Variants in GMDS observed in about 807,000 individuals in gnomAD.
GMDS encodes the protein GDP-mannose 4,6 dehydratase.
Under a neutral mutation model 49.9 loss-of-function variants are expected in GMDS, and 20 were observed. That is an observed-to-expected ratio of 0.40 (90% CI 0.28 to 0.58). GMDS has a LOEUF of 0.58. Ranked by LOEUF, GMDS falls within the 20% of genes least tolerant of loss-of-function variation. The pLI is 0.42. For synonymous variants in GMDS, 177 were observed against 178.6 expected, an observed-to-expected ratio of 0.99 and a Z score of 0.07; for missense variants, 362 against 481.4, an observed-to-expected ratio of 0.75 and a Z score of 2.32.
chr6:2,127,682 C>A (rs1775526080), intron 1 of GMDS, among the ~76,000 whole-genome samples: 1 of 152,216 alleles, frequency 6.6e-6, no homozygotes, highest in Admixed American at 6.5e-5. Flanking sequence ...CGAGCGAGGG[C>A]TCCTGGTCCC....
intron 4 of GMDS, among the ~76,000 whole-genome samples, chr6:2,059,707 C>CAAAAAAAAAAAAAAAAAAAAAAA (rs35230658): frequency 1.7e-4 from 3 of 17,774 alleles, no homozygotes; most frequent in Non-Finnish European, 2.0e-4. Context: ...GACTCCGTCT[C>CAAAAAAAAAAAAAAAAAAAAAAA]AAAAAAAAAA....
At chr6:1,709,809 C>G (rs1328993517) in intron 9 of GMDS, among the ~76,000 whole-genome samples, 1 of 152,172 alleles carries the variant, frequency 6.6e-6, no homozygotes, top group Non-Finnish European at 1.5e-5. Context: ...TGTTTCAAAA[C>G]CAGAGCTTGA....
intron 4 of GMDS, among the ~76,000 whole-genome samples, chr6:1,976,106 T>C (rs564966611): frequency 9.2e-5 from 14 of 152,316 alleles, no homozygotes; most frequent in African/African-American, 2.6e-4. Flanking sequence ...AGTAGTACAA[T>C]GATTTAGGCT....
intron 2 of GMDS, among the ~76,000 whole-genome samples, chr6:2,121,653 C>T (rs1215428114): frequency 2.0e-5 from 3 of 152,172 alleles, no homozygotes; most frequent in African/African-American, 7.2e-5. Flanking sequence ...TGTTAGTACA[C>T]GCTATTGCTT....
intron 7 of GMDS, among the ~76,000 whole-genome samples, chr6:1,827,041 A>C (rs1246013879): frequency 6.6e-6 from 1 of 151,242 alleles, no homozygotes; most frequent in East Asian, 1.9e-4. Context: ...ATTCCAGCCT[A>C]AGCAGAAGAG....
chr6:1,959,479 A>G (rs949095062), intron 6 of GMDS, among the ~76,000 whole-genome samples: 9 of 152,232 alleles, frequency 5.9e-5, no homozygotes, highest in African/African-American at 2.2e-4. Flanking sequence ...AAGTCAAAAA[A>G]TAACATAGAT....
intron 8 of GMDS, among the ~76,000 whole-genome samples, chr6:1,730,638 G>A (rs1350040029): frequency 1.3e-5 from 2 of 152,058 alleles, no homozygotes; most frequent in Admixed American, 6.6e-5. Context: ...GATGAATACT[G>A]AGGCCCACCA....
intron 1 of GMDS, among the ~76,000 whole-genome samples, chr6:2,237,425 T>A (rs1011269758): frequency 6.6e-6 from 1 of 152,102 alleles, no homozygotes; most frequent in African/African-American, 2.4e-5. Context: ...TTAATGCAAC[T>A]GAGCACCTTA....
At chr6:2,175,876 T>A (rs1368361438) in intron 1 of GMDS, 5 of 902,142 alleles carry the variant, frequency 5.5e-6, no homozygotes, top group African/African-American at 1.6e-5. Context: ...AACAGCCCTA[T>A]CAGGCTTGTG....
chr6:1,871,576 T>C (rs1259289245), intron 7 of GMDS, among the ~76,000 whole-genome samples: 1 of 152,224 alleles, frequency 6.6e-6, no homozygotes, highest in Non-Finnish European at 1.5e-5. Context: ...AAATTACTTT[T>C]TTTCATGAAA....
chr6:1,746,126 A>T (rs920003341), intron 7 of GMDS, among the ~76,000 whole-genome samples: 1 of 152,234 alleles, frequency 6.6e-6, no homozygotes, highest in Admixed American at 6.5e-5. Context: ...ATGACCCATG[A>T]CATGGCCAGG....
intron 7 of GMDS, among the ~76,000 whole-genome samples, chr6:1,756,731 G>C (rs1438772112): frequency 6.6e-6 from 1 of 152,224 alleles, no homozygotes; most frequent in Non-Finnish European, 1.5e-5. Flanking sequence ...GGTGCTGGAT[G>C]CACCTCAGTT....
chr6:2,145,263 G>A (rs955019604), intron 1 of GMDS, among the ~76,000 whole-genome samples: 19 of 152,246 alleles, frequency 1.2e-4, no homozygotes, highest in South Asian at 4.1e-4. Flanking sequence ...GACCGGGCAC[G>A]GTGGCTCATG....
intron 7 of GMDS, among the ~76,000 whole-genome samples, chr6:1,838,755 T>G (rs981675979): frequency 6.6e-6 from 1 of 152,248 alleles, no homozygotes; most frequent in African/African-American, 2.4e-5. Context: ...GCATTCCAAG[T>G]GTGATTTACT....
chr6:2,212,969 T>C (rs910085412), intron 1 of GMDS, among the ~76,000 whole-genome samples: 1 of 152,196 alleles, frequency 6.6e-6, no homozygotes, highest in Non-Finnish European at 1.5e-5. Context: ...ATTCTTTTAC[T>C]TAACTTGTAT....
At chr6:1,909,712 A>C (rs1189726681) in intron 7 of GMDS, among the ~76,000 whole-genome samples, 1 of 152,132 alleles carries the variant, frequency 6.6e-6, no homozygotes, top group Non-Finnish European at 1.5e-5. Context: ...TACTCCTTCC[A>C]CATGCAGGGA....
chr6:2,042,272 A>G (rs1283291276), intron 4 of GMDS, among the ~76,000 whole-genome samples: 1 of 152,234 alleles, frequency 6.6e-6, no homozygotes, highest in Non-Finnish European at 1.5e-5. Flanking sequence ...AGAAAAAGGA[A>G]AGACTATTAA....
At chr6:1,810,765 C>T (rs1039566262) in intron 7 of GMDS, among the ~76,000 whole-genome samples, 1 of 152,060 alleles carries the variant, frequency 6.6e-6, no homozygotes, top group African/African-American at 2.4e-5. Context: ...AGGCCAATGG[C>T]GAGATCAGAT....
chr6:2,205,189 C>T (rs1039716762), intron 1 of GMDS, among the ~76,000 whole-genome samples: 3 of 152,292 alleles, frequency 2.0e-5, no homozygotes, highest in African/African-American at 7.2e-5. Flanking sequence ...TACAGCATAA[C>T]TTGGTTAAAG....
Sources: gnomAD v4.1 joint callset for allele counts (sites outside exome capture counted in the v4.1 genomes callset) on GRCh38, gnomAD v4.1.1 for gene constraint, MANE v1.5 for transcripts, NCBI Gene and HGNC (gene_info 2026-07-23, HGNC 2026-07-21) for gene names.